Variants in CHL1 observed in about 807,000 individuals in gnomAD.
The protein encoded by CHL1 is cell adhesion molecule L1 like.
CHL1 carries 96 observed loss-of-function variants against 141.9 expected under a neutral mutation model. That is an observed-to-expected ratio of 0.68 (90% confidence interval 0.57 to 0.80). CHL1 has a LOEUF of 0.80. CHL1 is among the 30% of genes least tolerant of loss of function. The probability of loss-of-function intolerance (pLI) is 0.00; values close to 1 mark genes in which losing one functional copy is unlikely to be tolerated. For synonymous variants in CHL1, 613 were observed against 502.2 expected (o/e 1.22, Z -2.95); for missense variants, 1,820 against 1,457.2 (o/e 1.25, Z -4.05).
intron 27 of CHL1, among the ~76,000 whole-genome samples, chr3:402,222 A>G (rs890964209): frequency 6.6e-6 from 1 of 152,254 alleles, no homozygotes; most frequent in African/African-American, 2.4e-5. Flanking sequence ...TTTTGGAAAA[A>G]GAATCATCCA....
At chr3:365,843 A>G in intron 14 of CHL1, 107 bp from the exon 15 acceptor site, 1 of 725,410 alleles carries the variant, frequency 1.4e-6, no homozygotes. Context: ...ACCCTGCATG[A>G]GGATTGGACA....
At chr3:362,077 C>T (rs1704311852) in intron 13 of CHL1, among the ~76,000 whole-genome samples, 1 of 152,214 alleles carries the variant, frequency 6.6e-6, no homozygotes, top group Non-Finnish European at 1.5e-5. Flanking sequence ...ATTACAGAGA[C>T]AATTTTAAAG....
At chr3:253,634 T>C (rs1299703388) in intron 2 of CHL1, among the ~76,000 whole-genome samples, 7 of 152,228 alleles carry the variant, frequency 4.6e-5, no homozygotes, top group African/African-American at 7.2e-5. Flanking sequence ...CAAGTTAACA[T>C]GTATTACTCA....
At chr3:401,770 G>T in intron 27 of CHL1, 72 bp downstream of exon 27, 1 of 868,410 alleles carries the variant, frequency 1.2e-6, no homozygotes, top group East Asian at 2.6e-5. Context: ...ACAAAAAGGT[G>T]TTTATTCTTA....
rs1701725494 is a variant in CHL1, at chr3:230,074, G to A, written c.-174-14539G>A. 3.9e-5 allele frequency among the ~76,000 whole-genome samples: 6 copies of A among 152,162 alleles called. No individual in the cohort carries two copies. The South Asian group carries it at 1.2e-3, about 31-fold the overall frequency. On this transcript the variant is annotated intron_variant, in intron 1 of 27. Coordinates refer to ENST00000256509, the MANE Select transcript of CHL1 (RefSeq NM_006614.4). Reference sequence around the variant, plus strand: ...AGTGGGTACTTAAAATGTGTCCTGAGTGACAAACTGGCCCCCACTGGAAGA... The same window carrying A: ...AGTGGGTACTTAAAATGTGTCCTGAATGACAAACTGGCCCCCACTGGAAGA...
At chr3:277,702 T>A (rs956421232) in intron 2 of CHL1, among the ~76,000 whole-genome samples, 1 of 152,240 alleles carries the variant, frequency 6.6e-6, no homozygotes, top group Non-Finnish European at 1.5e-5. Context: ...TGACTTTATT[T>A]CTAAGTGTTA....
chr3:371,568 G>T (rs1444793466), intron 15 of CHL1, among the ~76,000 whole-genome samples: 3 of 152,170 alleles, frequency 2.0e-5, no homozygotes, highest in African/African-American at 7.2e-5. Context: ...TGATTTGCCA[G>T]TCTGTGACTT....
chr3:407,991 G>T lies in CHL1; in HGVS notation c.*2280G>T, dbSNP rs555670981. 1 of 152,080 alleles carries T rather than the reference G, an allele frequency of 6.6e-6. No individual in the cohort carries two copies. The highest frequency in any genetic ancestry group is 2.1e-4 in the South Asian group (1 of 4,812). 9.4% of individuals were successfully genotyped at this position (152,080 alleles called of 1,614,324 possible). A position where few individuals can be genotyped will look rare whatever the true frequency, so the allele number is the denominator to read the frequency against. On this transcript the variant is annotated 3_prime_UTR_variant, in exon 28 of 28. Transcript: ENST00000256509. Reference sequence around the variant, plus strand: ...CTCAATACTATTTGGCAACTACTGGGACTCTTCAGCACAAAAGGAATAGAT... The same window carrying T: ...CTCAATACTATTTGGCAACTACTGGTACTCTTCAGCACAAAAGGAATAGAT...
intron 15 of CHL1, among the ~76,000 whole-genome samples, chr3:367,670 C>A (rs970578358): frequency 6.6e-6 from 1 of 151,742 alleles, no homozygotes; most frequent in Non-Finnish European, 1.5e-5. Context: ...TTTTGTTTTT[C>A]TTTACATCTT....
At chr3:329,517 C>A (rs1428789355) in intron 5 of CHL1, among the ~76,000 whole-genome samples, 4 of 151,038 alleles carry the variant, frequency 2.6e-5, no homozygotes, top group Non-Finnish European at 5.9e-5. Flanking sequence ...AGTATGTACA[C>A]TAAAATTATA....
chr3:370,037 A>G (rs567654661), intron 15 of CHL1, among the ~76,000 whole-genome samples: 55 of 152,304 alleles, frequency 3.6e-4, no homozygotes, highest in African/African-American at 1.3e-3. Context: ...AATGTTCATC[A>G]GTGATGTTGG....
At chr3:393,720 T>C (rs1249120287) in intron 23 of CHL1, among the ~76,000 whole-genome samples, 2 of 152,154 alleles carry the variant, frequency 1.3e-5, no homozygotes, top group Non-Finnish European at 2.9e-5. Context: ...CTTATATTGA[T>C]TGTAGTCGTT....
intron 2 of CHL1, among the ~76,000 whole-genome samples, chr3:296,404 G>A (rs1198658162): frequency 6.6e-6 from 1 of 151,212 alleles, no homozygotes; most frequent in East Asian, 1.9e-4. Flanking sequence ...CCTGATATTA[G>A]GATATAAATC....
rs545548764 is a variant in CHL1 at position 399,808 on chromosome 3, A to G, written c.3385+660A>G. On this transcript the variant is annotated intron_variant, in intron 26 of 27. Transcript: ENST00000256509. ...ATGTATAGCACGCCTCTCTCTATGC[A>G]TGACATACATGACTCATATTTTTCG... is the stretch of plus-strand genomic sequence containing the variant. Among the ~76,000 whole-genome samples, 62 of 152,322 alleles carry G rather than the reference A, an allele frequency of 4.1e-4. 1 individual carries two copies. Among genetic ancestry groups the G allele is most frequent in the Admixed American group, 3.3e-3 (51 of 15,298 alleles).
chr3:211,763 A>G (rs775919975), intron 1 of CHL1, among the ~76,000 whole-genome samples: 3 of 152,204 alleles, frequency 2.0e-5, no homozygotes, highest in Non-Finnish European at 4.4e-5. Flanking sequence ...CAACCCCAAA[A>G]TGCTGTGCTA....
intron 22 of CHL1, among the ~76,000 whole-genome samples, chr3:391,412 A>G (rs775196658): frequency 9.2e-5 from 14 of 152,190 alleles, no homozygotes; most frequent in Non-Finnish European, 1.0e-4. Flanking sequence ...GCTACTCGGG[A>G]GGCTGAGGCA....
chr3:207,096 C>G (rs1167507993), intron 1 of CHL1, among the ~76,000 whole-genome samples: 1 of 152,186 alleles, frequency 6.6e-6, no homozygotes, highest in Non-Finnish European at 1.5e-5. Flanking sequence ...AAAGGCAACT[C>G]TATTTCAGGC....
At chr3:381,810 G>C (rs2125392194) in intron 16 of CHL1, among the ~76,000 whole-genome samples, 1 of 152,214 alleles carries the variant, frequency 6.6e-6, no homozygotes, top group East Asian at 1.9e-4. Flanking sequence ...CTCCATGCCA[G>C]CAAAGTTATT....
intron 15 of CHL1, chr3:376,339 T>G (rs972910736): frequency 2.0e-6 from 1 of 498,308 alleles, no homozygotes; most frequent in African/African-American, 2.0e-5. Context: ...GGCTTCATGT[T>G]CAAATGCAAT....
Sources: allele counts gnomAD v4.1 joint callset (sites outside exome capture counted in the v4.1 genomes callset), GRCh38; gene constraint gnomAD v4.1.1; transcripts MANE v1.5; gene names NCBI Gene and HGNC (gene_info 2026-07-23, HGNC 2026-07-21).